Variants in TM2D3 observed in about 807,000 individuals in gnomAD.
TM2D3 encodes TM2 domain containing 3.
Under a neutral mutation model 27.3 loss-of-function variants are expected in TM2D3, and 33 were observed. The ratio of observed to expected loss-of-function variants is 1.21; its 90% CI spans 0.92 to 1.61. The LOEUF (loss-of-function observed/expected upper bound fraction) is 1.61. Ranked by LOEUF, TM2D3 falls within the 40% of genes most tolerant of loss-of-function variation. TM2D3 has a pLI of 0.00. For missense variants in TM2D3, 364 were observed against 320.8 expected (o/e 1.13, Z -1.03); for synonymous variants, 138 against 122.2 (o/e 1.13, Z -0.85).
intron 4 of TM2D3, chr15:101,636,455 T>G (rs1162393184): frequency 6.6e-6 from 1 of 152,252 alleles, no homozygotes; most frequent in Non-Finnish European, 1.5e-5. Context: ...TCATAGCTCC[T>G]CATTGGTCAC....
intron 5 of TM2D3, among the ~76,000 whole-genome samples, chr15:101,644,762 T>A (rs537350837): frequency 2.6e-5 from 4 of 152,350 alleles, no homozygotes; most frequent in Admixed American, 2.0e-4. Context: ...CATGTATTAC[T>A]TTTTATAATA....
downstream of TM2D3, among the ~76,000 whole-genome samples, chr15:101,637,240 G>A (rs1373622813): frequency 6.6e-6 from 1 of 152,178 alleles, no homozygotes; most frequent in Non-Finnish European, 1.5e-5. Context: ...TTATGATAAG[G>A]GATTGTGGAG....
Position 101,642,590 on chromosome 15 carries a change from T to C in TM2D3, c.633A>G (p.Glu211=). The change falls in exon 6 of 6, where the codon GAA becomes GAG. Residue 211 remains glutamate, a synonymous_variant. Transcript: ENST00000333202. ...CGAAGCTGAAGAGCTTGCCGAGGCC[T>C]TCCCGCCACTGGCCCAGGTAGAAAC... The part of the protein sequence containing the change: ...ADRFYLGQWR[E]GLGKLFSFGG... The C allele has an allele frequency of 6.2e-7, 1 of 1,607,598 alleles. No individual in the cohort carries two copies.
rs201936995 is a variant in TM2D3 at position 101,651,676 on chromosome 15, G to T, written c.169+20C>A. ...TAGAGATAACTACATGTATTTACTA[G>T]AATAGAAAACGTCTAGTACCTGCTG... On this transcript the variant is annotated intron_variant, in intron 2 of 5. Coordinates refer to ENST00000333202, the MANE Select transcript of TM2D3 (RefSeq NM_078474.3). The T allele has an allele frequency of 2.6e-5, 42 of 1,611,322 alleles. No individual in the cohort carries two copies. In the East Asian group the frequency reaches 8.7e-4, roughly 33 times the overall value.
downstream of TM2D3, among the ~76,000 whole-genome samples, chr15:101,641,630 T>A (rs1358775062): frequency 6.6e-6 from 1 of 152,334 alleles, no homozygotes; most frequent in East Asian, 1.9e-4. Flanking sequence ...AGTAAAAATC[T>A]TTTTGAATAA....
At chr15:101,648,447 C>T (rs1273082173) in intron 3 of TM2D3, 1 of 152,148 alleles carries the variant, frequency 6.6e-6, no homozygotes, top group Non-Finnish European at 1.5e-5. Context: ...CAGTGATGTG[C>T]TTAAAACACA....
chr15:101,644,978 TG>T, intron 5 of TM2D3, 108 bp downstream of exon 5: 1 of 935,570 alleles, frequency 1.1e-6, no homozygotes, highest in Non-Finnish European at 1.7e-6. Context: ...CTAACACACG[TG>T]GTAGGATCTG....
chr15:101,652,317 A>T lies in TM2D3; in HGVS notation c.45T>A (p.Cys15Ter), dbSNP rs752694102. 3.7e-6 allele frequency: 6 copies of T among 1,602,714 alleles called. No individual in the cohort carries two copies. The highest frequency in any genetic ancestry group is 5.1e-6 in the Non-Finnish European group (6 of 1,175,336). ...VLPLRGLRAL[C>*]RVLLFLSQFC... is the part of the protein sequence containing the mutation. ...ACTGCGAGAGGAAGAGCAGCACGCG[A>T]CACAAGGCGCGGAGGCCCCTCAGCG... is the stretch of plus-strand genomic sequence containing the variant. The change falls in exon 1 of 6, where the codon TGT (cysteine) becomes TGA (stop). Residue 15 changes from cysteine (C) to a stop codon, truncating the protein, a stop_gained. Transcript: ENST00000333202. LOFTEE classifies it high-confidence loss of function.
At chr15:101,650,426 C>T in intron 2 of TM2D3, 1 of 313,294 alleles carries the variant, frequency 3.2e-6, no homozygotes, top group East Asian at 5.2e-5. Flanking sequence ...TGCTCATATA[C>T]AAATAATGTA....
Position 101,651,676 on chromosome 15 carries a change from G to C in TM2D3, c.169+20C>G, listed in dbSNP as rs201936995. 1 of 1,611,322 alleles carries C rather than the reference G, an allele frequency of 6.2e-7. No homozygotes were observed. The highest frequency in any genetic ancestry group is 2.2e-5 in the East Asian group (1 of 44,860). The stretch of plus-strand genomic sequence containing the variant: ...TAGAGATAACTACATGTATTTACTA[G>C]AATAGAAAACGTCTAGTACCTGCTG... On this transcript the variant is annotated intron_variant, in intron 2 of 5. Transcript: ENST00000333202.
Position 101,649,093 on chromosome 15 carries a change from A to G in TM2D3, c.327+911T>C, listed in dbSNP as rs554008609. On this transcript the variant is annotated intron_variant, in intron 3 of 5. Coordinates refer to ENST00000333202, the MANE Select transcript of TM2D3 (RefSeq NM_078474.3). ...AAAAATGTATTAATTAAATACTATG[A>G]GAAAACTTATATGTTTTTCATGTTA... 3.8e-3 allele frequency among the ~76,000 whole-genome samples: 573 copies of G among 152,354 alleles called. 5 individuals are homozygous for G. The highest frequency in any genetic ancestry group is 0.013 in the African/African-American group (534 of 41,574).
chr15:101,651,585 A>G (rs1896969476), intron 2 of TM2D3, 111 bp downstream of exon 2: 2 of 1,067,226 alleles, frequency 1.9e-6, no homozygotes, highest in African/African-American at 1.6e-5. Flanking sequence ...AATACAATAA[A>G]TATTCAAAAA....
At chr15:101,643,121 T>C (rs1360297189) in intron 5 of TM2D3, among the ~76,000 whole-genome samples, 3 of 152,112 alleles carry the variant, frequency 2.0e-5, no homozygotes, top group Non-Finnish European at 4.4e-5. Flanking sequence ...TAAGATCTAA[T>C]AATACTGAAA....
chr15:101,650,229 A>T, intron 2 of TM2D3, 68 bp from the exon 3 acceptor site: 2 of 1,512,984 alleles, frequency 1.3e-6, no homozygotes, highest in African/African-American at 1.4e-5. Context: ...ACAATCTTCT[A>T]AGGTTAAGAG....
chr15:101,636,186 G>T (rs1305206039), intron 4 of TM2D3: 2 of 152,144 alleles, frequency 1.3e-5, no homozygotes, highest in Middle Eastern at 3.4e-3. Context: ...CATTTGGGTT[G>T]TTTCCACTTT....
chr15:101,645,086 C>T lies in TM2D3; in HGVS notation c.578+1G>A, dbSNP rs769318772. 2 of 1,612,720 alleles carry T rather than the reference C, an allele frequency of 1.2e-6. No individual in the cohort carries two copies. Among genetic ancestry groups the T allele is most frequent in the South Asian group, 1.1e-5 (1 of 90,702 alleles). On this transcript the variant is annotated splice_donor_variant, in intron 5 of 5. Transcript: ENST00000333202. LOFTEE classifies it high-confidence loss of function. ...TTACACTTACGAGTAACAAGGCTTACCTTAGAGCCAGAGCCGTAGACCACT... is the reference window on the plus strand; with the variant it reads ...TTACACTTACGAGTAACAAGGCTTATCTTAGAGCCAGAGCCGTAGACCACT...
chr15:101,650,890 C>G (rs1896949719), intron 2 of TM2D3: 1 of 152,234 alleles, frequency 6.6e-6, no homozygotes, highest in Non-Finnish European at 1.5e-5. Context: ...GTTAAGAACT[C>G]TTGTGCTTTC....
intron 2 of TM2D3, 77 bp downstream of exon 2, chr15:101,651,619 A>C (rs1358398885): frequency 1.4e-6 from 2 of 1,406,698 alleles, no homozygotes; most frequent in African/African-American, 1.4e-5. Context: ...CGTATACTAA[A>C]GGGAATTTTT....
intron 1 of TM2D3, chr15:101,652,002 C>T (rs113580967): frequency 1.7e-6 from 1 of 589,098 alleles, no homozygotes; most frequent in Non-Finnish European, 3.0e-6. Context: ...CGCTCCAGTT[C>T]CGCCTCCCCG....
Sources: allele counts gnomAD v4.1 joint callset (sites outside exome capture counted in the v4.1 genomes callset), GRCh38; gene constraint gnomAD v4.1.1; transcripts MANE v1.5; gene names NCBI Gene and HGNC (gene_info 2026-07-23, HGNC 2026-07-21).